Variants in ATXN7L1 observed in about 807,000 individuals in gnomAD.
The protein encoded by ATXN7L1 is ataxin 7 like 1.
In ATXN7L1, 15 loss-of-function variants were observed where a neutral mutation model predicts 70.8. The observed-to-expected ratio is 0.21, with a 90% CI of 0.14 to 0.33. ATXN7L1 has a LOEUF of 0.33. ATXN7L1 is among the 10% of genes least tolerant of loss of function. The probability of loss-of-function intolerance (pLI) is 1.00; values close to 1 mark genes in which losing one functional copy is unlikely to be tolerated. For synonymous variants in ATXN7L1, 440 were observed against 445.1 expected (o/e 0.99, Z 0.14); for missense variants, 975 against 1,097.1 (o/e 0.89, Z 1.57).
chr7:105,755,890 C>A (rs926179805), intron 3 of ATXN7L1, among the ~76,000 whole-genome samples: 1 of 152,188 alleles, frequency 6.6e-6, no homozygotes, highest in African/African-American at 2.4e-5. Context: ...AGGTAACCGT[C>A]ATGCAGGTGG....
intron 2 of ATXN7L1, among the ~76,000 whole-genome samples, chr7:105,845,899 G>A (rs921743145): frequency 1.3e-5 from 2 of 152,194 alleles, no homozygotes; most frequent in African/African-American, 2.4e-5. Flanking sequence ...AACATACCTC[G>A]AAAGACACCA....
chr7:105,774,925 G>A (rs1033261279), intron 3 of ATXN7L1, among the ~76,000 whole-genome samples: 7 of 152,062 alleles, frequency 4.6e-5, no homozygotes, highest in African/African-American at 1.4e-4. Flanking sequence ...TATCTATGAC[G>A]CTAATAAACA....
chr7:105,799,192 T>A (rs1408139450), intron 2 of ATXN7L1, among the ~76,000 whole-genome samples: 1 of 152,188 alleles, frequency 6.6e-6, no homozygotes, highest in African/African-American at 2.4e-5. Flanking sequence ...GTGACATTTG[T>A]AAAGGCACAA....
chr7:105,764,321 G>C (rs527533231), intron 3 of ATXN7L1, among the ~76,000 whole-genome samples: 14 of 151,598 alleles, frequency 9.2e-5, no homozygotes, highest in African/African-American at 2.7e-4. Context: ...AAACCACAAT[G>C]GACCTAAGCA....
rs534804500 is a variant in ATXN7L1 at position 105,800,905 on chromosome 7, GT to G, written c.251-12198del. On this transcript the variant is annotated intron_variant, in intron 2 of 11. Transcript: ENST00000419735. Reference sequence around the variant, plus strand: ...CTGAATTTTAGCCTGAATTCGCTAAGTAAAAAGCCAAAGACCCTCAAAGGAA... The same window carrying G: ...CTGAATTTTAGCCTGAATTCGCTAAGAAAAAGCCAAAGACCCTCAAAGGAA... Among the ~76,000 whole-genome samples the G allele has an allele frequency of 2.4e-3, 363 of 152,340 alleles. 3 individuals carry two copies. The highest frequency in any genetic ancestry group is 8.4e-3 in the African/African-American group (349 of 41,590).
At chr7:105,866,473 A>G (rs1336756803) in intron 2 of ATXN7L1, among the ~76,000 whole-genome samples, 1 of 152,216 alleles carries the variant, frequency 6.6e-6, no homozygotes, top group East Asian at 1.9e-4. Context: ...AGCTTCACTT[A>G]TAGACGACTA....
chr7:105,806,253 G>A (rs1807582700), intron 2 of ATXN7L1, among the ~76,000 whole-genome samples: 1 of 152,012 alleles, frequency 6.6e-6, no homozygotes, highest in Non-Finnish European at 1.5e-5. Flanking sequence ...GAATGATGAG[G>A]TTTACATGGG....
intron 4 of ATXN7L1, among the ~76,000 whole-genome samples, chr7:105,664,725 CCTGA>C (rs1802348771): frequency 6.6e-6 from 1 of 151,304 alleles, no homozygotes; most frequent in Non-Finnish European, 1.5e-5. Flanking sequence ...TGCCACCACA[CCTGA>C]CTAATTTTTG....
chr7:105,868,313 G>A (rs532446953), intron 2 of ATXN7L1, among the ~76,000 whole-genome samples: 1 of 152,304 alleles, frequency 6.6e-6, no homozygotes, highest in East Asian at 1.9e-4. Flanking sequence ...AGCACCCTGA[G>A]GGCAGGCAGG....
intron 3 of ATXN7L1, among the ~76,000 whole-genome samples, chr7:105,745,228 TTAAAAA>T (rs1297177136): frequency 2.0e-5 from 3 of 151,908 alleles, no homozygotes; most frequent in Non-Finnish European, 2.9e-5. Context: ...CAGGAAAAAA[TTAAAAA>T]TATAAATATA....
intron 7 of ATXN7L1, among the ~76,000 whole-genome samples, chr7:105,637,213 G>A (rs1233351198): frequency 2.0e-5 from 3 of 152,212 alleles, no homozygotes; most frequent in African/African-American, 4.8e-5. Context: ...GACTCTGGCT[G>A]TCAAACTAGG....
At chr7:105,728,847 T>A (rs1796202252) in intron 3 of ATXN7L1, among the ~76,000 whole-genome samples, 1 of 152,162 alleles carries the variant, frequency 6.6e-6, no homozygotes, top group Non-Finnish European at 1.5e-5. Context: ...CAAGAACCAC[T>A]TGAAAGAGCT....
chr7:105,836,735 A>G (rs1255987762), intron 2 of ATXN7L1, among the ~76,000 whole-genome samples: 1 of 152,164 alleles, frequency 6.6e-6, no homozygotes, highest in Non-Finnish European at 1.5e-5. Context: ...GCACTGCTAT[A>G]AAGAAATACC....
intron 2 of ATXN7L1, among the ~76,000 whole-genome samples, chr7:105,850,089 T>C (rs1430130481): frequency 6.6e-6 from 1 of 152,232 alleles, no homozygotes; most frequent in Non-Finnish European, 1.5e-5. Flanking sequence ...TTCTCAGTGT[T>C]ACATAAAATA....
intron 2 of ATXN7L1, among the ~76,000 whole-genome samples, chr7:105,798,783 C>T (rs958376477): frequency 2.4e-4 from 36 of 152,100 alleles, no homozygotes; most frequent in African/African-American, 4.8e-5. Context: ...ACTTGATGTC[C>T]GCCATATTGC....
chr7:105,817,620 T>C (rs568526395), intron 2 of ATXN7L1, among the ~76,000 whole-genome samples: 7 of 152,118 alleles, frequency 4.6e-5, no homozygotes, highest in Admixed American at 1.3e-4. Context: ...TGGAGCAAAA[T>C]GTTAACAACA....
chr7:105,668,919 A>AT (rs879770410), intron 3 of ATXN7L1, among the ~76,000 whole-genome samples: 53 of 148,212 alleles, frequency 3.6e-4, no homozygotes, highest in Admixed American at 8.8e-4. Flanking sequence ...ATATATATAT[A>AT]TTTTTTTTTT....
At chr7:105,684,600 T>A (rs1456971881) in intron 3 of ATXN7L1, among the ~76,000 whole-genome samples, 1 of 152,264 alleles carries the variant, frequency 6.6e-6, no homozygotes, top group Non-Finnish European at 1.5e-5. Flanking sequence ...AAATGTCATC[T>A]TGTTGGATTT....
chr7:105,666,109 G>A (rs7799245), intron 3 of ATXN7L1, among the ~76,000 whole-genome samples: 89,727 of 152,010 alleles, frequency 0.59, 26,671 homozygotes, highest in Non-Finnish European at 0.63. Flanking sequence ...GTGTGCACCC[G>A]CTATGGGGTT....
Sources: allele counts gnomAD v4.1 joint callset (sites outside exome capture counted in the v4.1 genomes callset), GRCh38; gene constraint gnomAD v4.1.1; transcripts MANE v1.5; gene names NCBI Gene and HGNC (gene_info 2026-07-23, HGNC 2026-07-21).